Variants in PCDH15 observed in about 807,000 individuals in gnomAD.
The protein encoded by PCDH15 is protocadherin-15.
PCDH15 carries 129 observed loss-of-function variants against 178.5 expected under a neutral mutation model. The observed-to-expected ratio is 0.72, with a 90% CI of 0.63 to 0.84. PCDH15 has a LOEUF of 0.84. Ranked by LOEUF, PCDH15 falls within the 40% of genes least tolerant of loss-of-function variation. The pLI is 0.00. For synonymous variants in PCDH15, 800 were observed against 732.0 expected (o/e 1.09, Z -1.50); for missense variants, 2,230 against 2,099.9 (o/e 1.06, Z -1.21).
At chr10:53,927,835 T>C (rs905145166) in intron 25 of PCDH15, among the ~76,000 whole-genome samples, 1 of 152,116 alleles carries the variant, frequency 6.6e-6, no homozygotes, top group Non-Finnish European at 1.5e-5. Flanking sequence ...TAATACTACA[T>C]CTTTTTATTT....
At position 55,557,924 on chromosome 10, in the gene PCDH15, T is replaced by A. The variant is rs370358018; in HGVS notation, c.-156+69701A>T. On this transcript the variant is annotated intron_variant, in intron 2 of 5. Coordinates refer to the PCDH15 transcript ENST00000613346. Reference sequence around the variant, plus strand: ...GAGAGAAAGAGCATTGGGGAAAACCTATTTGATGGACTTATAGAAATATCA... The same window carrying A: ...GAGAGAAAGAGCATTGGGGAAAACCAATTTGATGGACTTATAGAAATATCA... 2.8e-4 allele frequency among the ~76,000 whole-genome samples: 43 copies of A among 152,230 alleles called. No homozygotes were observed. The South Asian group carries it at 8.1e-3, about 29-fold the overall frequency.
intron 21 of PCDH15, among the ~76,000 whole-genome samples, chr10:53,988,536 A>G (rs1335078211): frequency 6.6e-6 from 1 of 152,162 alleles, no homozygotes; most frequent in African/African-American, 2.4e-5. Context: ...CATGCAAGAA[A>G]ATGAACGAAT....
chr10:54,812,893 G>C (rs913823285), intron 3 of PCDH15, among the ~76,000 whole-genome samples: 16 of 152,114 alleles, frequency 1.1e-4, no homozygotes, highest in Admixed American at 1.0e-3. Flanking sequence ...CAAACTCTTA[G>C]ATATCAAACT....
rs139146903 is a variant in PCDH15 at position 54,213,159 on chromosome 10, T to C, written c.1098+777A>G. On this transcript the variant is annotated intron_variant, in intron 10 of 37. Coordinates refer to ENST00000644397, the MANE Select transcript of PCDH15 (RefSeq NM_001384140.1). The stretch of plus-strand genomic sequence containing the variant: ...TATGTACTATATACAAAACTTATGC[T>C]GAATCTTTGCTTTTGTCTTTTCTTG... Among the ~76,000 whole-genome samples, 517 of 152,266 alleles carry C rather than the reference T, an allele frequency of 3.4e-3. 3 individuals carry two copies. Among genetic ancestry groups the C allele is most frequent in the Middle Eastern group, 0.02 (6 of 294 alleles).
chr10:55,074,177 G>A (rs552404508), intron 2 of PCDH15, among the ~76,000 whole-genome samples: 5 of 152,202 alleles, frequency 3.3e-5, no homozygotes, highest in East Asian at 1.9e-4. Flanking sequence ...GAACATACAC[G>A]TGCACGTATC....
chr10:55,112,336 C>A (rs144268228), intron 2 of PCDH15, among the ~76,000 whole-genome samples: 152 of 151,998 alleles, frequency 1.0e-3, no homozygotes, highest in African/African-American at 3.6e-3. Context: ...TGTGAAGATT[C>A]GATGAGAAGA....
intron 3 of PCDH15, among the ~76,000 whole-genome samples, chr10:54,829,213 T>C (rs1953182145): frequency 1.3e-5 from 2 of 151,956 alleles, no homozygotes; most frequent in Non-Finnish European, 2.9e-5. Context: ...GAAGTCGTAA[T>C]GAATAATAGT....
At chr10:54,497,682 G>A (rs1337952224) in intron 3 of PCDH15, among the ~76,000 whole-genome samples, 2 of 151,928 alleles carry the variant, frequency 1.3e-5, no homozygotes, top group African/African-American at 2.4e-5. Flanking sequence ...ATAATAGAAT[G>A]GACCAAGCTG....
chr10:54,412,244 A>T (rs1589268118), intron 3 of PCDH15, among the ~76,000 whole-genome samples: 1 of 149,154 alleles, frequency 6.7e-6, no homozygotes, highest in African/African-American at 2.4e-5. Flanking sequence ...CTTCTTAAAT[A>T]TATATTTATA....
intron 1 of PCDH15, among the ~76,000 whole-genome samples, chr10:54,781,077 T>C (rs1285239602): frequency 6.6e-6 from 1 of 152,100 alleles, no homozygotes; most frequent in African/African-American, 2.4e-5. Flanking sequence ...ATAAAAATCA[T>C]CAACAGTTCA....
At chr10:55,300,457 C>A (rs540448610) in intron 1 of PCDH15, among the ~76,000 whole-genome samples, 18 of 152,266 alleles carry the variant, frequency 1.2e-4, no homozygotes, top group South Asian at 1.0e-3. Flanking sequence ...AATCCCGCAT[C>A]ATTTTCTGTC....
chr10:55,348,390 C>T (rs2131963564), intron 2 of PCDH15, among the ~76,000 whole-genome samples: 2 of 151,944 alleles, frequency 1.3e-5, no homozygotes, highest in Middle Eastern at 3.4e-3. Flanking sequence ...TTTTCCTGTG[C>T]TTTCTTTCAT....
At chr10:55,551,126 A>G (rs1277414713) in intron 2 of PCDH15, among the ~76,000 whole-genome samples, 1 of 152,048 alleles carries the variant, frequency 6.6e-6, no homozygotes, top group Non-Finnish European at 1.5e-5. Flanking sequence ...GTTAATACAT[A>G]AGAGAATTAC....
chr10:55,431,889 A>G (rs1275443383), intron 2 of PCDH15, among the ~76,000 whole-genome samples: 1 of 152,120 alleles, frequency 6.6e-6, no homozygotes, highest in African/African-American at 2.4e-5. Flanking sequence ...CTTGTGGGTA[A>G]CCATTATTCT....
chr10:53,886,194 G>A (rs1189400501), intron 26 of PCDH15, among the ~76,000 whole-genome samples: 5 of 152,154 alleles, frequency 3.3e-5, no homozygotes, highest in South Asian at 2.1e-4. Flanking sequence ...GGAACGAACC[G>A]TGCTCAGTGC....
intron 2 of PCDH15, among the ~76,000 whole-genome samples, chr10:54,625,740 T>C (rs866936234): frequency 1.3e-5 from 2 of 152,212 alleles, no homozygotes; most frequent in South Asian, 2.1e-4. Context: ...AACAGACTAA[T>C]ACAGTAAATT....
chr10:55,291,110 C>T (rs1301983643), intron 1 of PCDH15, among the ~76,000 whole-genome samples: 1 of 151,980 alleles, frequency 6.6e-6, no homozygotes, highest in Non-Finnish European at 1.5e-5. Flanking sequence ...TCTCTCTTTC[C>T]CCCCGGCCCC....
intron 2 of PCDH15, among the ~76,000 whole-genome samples, chr10:54,558,843 C>A (rs1297447683): frequency 1.3e-5 from 2 of 152,154 alleles, no homozygotes; most frequent in Non-Finnish European, 2.9e-5. Flanking sequence ...GACCCCACTT[C>A]TATTTTTAAA....
At chr10:54,317,758 T>A (rs983674540) in intron 7 of PCDH15, among the ~76,000 whole-genome samples, 14 of 151,610 alleles carry the variant, frequency 9.2e-5, no homozygotes, top group African/African-American at 3.1e-4. Context: ...GGCGACAGAG[T>A]GAGACTCAGT....
Sources: gnomAD v4.1 joint callset for allele counts (sites outside exome capture counted in the v4.1 genomes callset) on GRCh38, gnomAD v4.1.1 for gene constraint, MANE v1.5 for transcripts, NCBI Gene and HGNC (gene_info 2026-07-23, HGNC 2026-07-21) for gene names.